The following COL24A1 variants were observed in gnomAD, a reference collection of about 807,000 sequenced individuals.
The protein encoded by COL24A1 is collagen alpha-1(XXIV) chain.
Under a neutral mutation model 253.9 loss-of-function variants are expected in COL24A1, and 224 were observed. The ratio of observed to expected loss-of-function variants is 0.88; its 90% CI spans 0.79 to 0.99. The LOEUF (loss-of-function observed/expected upper bound fraction) is 0.99. Among genes scored for constraint, COL24A1 ranks in the 50% least tolerant of loss-of-function variants. The pLI, the probability that COL24A1 is intolerant of heterozygous loss-of-function variation, is 0.00. For missense variants in COL24A1, 2,131 were observed against 2,068.5 expected (o/e 1.03, Z -0.59); for synonymous variants, 685 against 673.7 (o/e 1.02, Z -0.26).
At chr1:85,784,434 A>T (rs1254934809) in intron 48 of COL24A1, 68 bp from the exon 49 acceptor site, 2 of 1,156,798 alleles carry the variant, frequency 1.7e-6, no homozygotes, top group African/African-American at 3.0e-5. Flanking sequence ...TTTGAATGAA[A>T]CCCAAATACA....
intron 24 of COL24A1, among the ~76,000 whole-genome samples, 198 bp from the exon 25 acceptor site, chr1:85,911,631 T>C (rs1344214140): frequency 6.6e-6 from 1 of 152,058 alleles, no homozygotes; most frequent in Non-Finnish European, 1.5e-5. Context: ...TCAACAAAAA[T>C]ATATCAGTGC....
At chr1:86,094,725 A>G (rs1703777349) in intron 5 of COL24A1, among the ~76,000 whole-genome samples, 1 of 151,980 alleles carries the variant, frequency 6.6e-6, no homozygotes, top group South Asian at 2.1e-4. Flanking sequence ...ATTTTAGGTC[A>G]TTGGTTACAA....
At chr1:85,818,603 A>G (rs934027080) in intron 45 of COL24A1, among the ~76,000 whole-genome samples, 3 of 152,198 alleles carry the variant, frequency 2.0e-5, no homozygotes, top group Non-Finnish European at 4.4e-5. Context: ...CAAGGAAAAG[A>G]TATTTATTTC....
At chr1:85,772,590 T>A (rs190573444) in intron 53 of COL24A1, among the ~76,000 whole-genome samples, 1,621 of 152,208 alleles carry the variant, frequency 0.011, 34 homozygotes, top group African/African-American at 0.037. Context: ...TGTCTCATTG[T>A]GGTTTTGATT....
intron 25 of COL24A1, 97 bp downstream of exon 25, chr1:85,911,283 G>A: frequency 1.4e-5 from 13 of 930,476 alleles, no homozygotes; most frequent in Admixed American, 2.1e-5. Context: ...AAAGTTATAA[G>A]TGATTTCTAA....
chr1:85,951,231 G>A (rs1056083638), intron 24 of COL24A1, among the ~76,000 whole-genome samples: 1 of 152,156 alleles, frequency 6.6e-6, no homozygotes, highest in East Asian at 1.9e-4. Flanking sequence ...AGAGCTTTCT[G>A]TATGGATAGT....
At chr1:86,087,313 T>C (rs1028128944) in intron 7 of COL24A1, among the ~76,000 whole-genome samples, 31 of 152,188 alleles carry the variant, frequency 2.0e-4, no homozygotes, top group Admixed American at 5.9e-4. Flanking sequence ...AAAGAATATA[T>C]TCTTACTATT....
At chr1:85,925,895 A>C (rs1447957710) in intron 24 of COL24A1, among the ~76,000 whole-genome samples, 3 of 152,204 alleles carry the variant, frequency 2.0e-5, no homozygotes, top group Non-Finnish European at 2.9e-5. Context: ...CAACCTACAG[A>C]ATGGGAGAAA....
intron 1 of COL24A1, 126 bp downstream of exon 1, chr1:86,156,215 G>A: frequency 1.3e-6 from 1 of 759,004 alleles, no homozygotes; most frequent in Non-Finnish European, 2.1e-6. Context: ...GCGGGTACTC[G>A]GCCGCTCCTA....
Position 86,125,944 on chromosome 1 carries a change from A to G in COL24A1, c.392T>C (p.Leu131Pro). The change falls in exon 3 of 60, where the codon CTG becomes CCG. Residue 131 changes from leucine to proline, a missense_variant. Physicochemically the swap from Leu to Pro is moderately conservative, Grantham distance 98. Coordinates refer to ENST00000370571, the MANE Select transcript of COL24A1 (RefSeq NM_152890.7). ...FLFSIRNKNR[L>P]QLGVQLLPKK... ...AGGTAGTAATTGTACTCCTAATTGC[A>G]GTCTATTTTTATTTCTAATGCTGAA... is the stretch of plus-strand genomic sequence containing the variant. 6.2e-7 allele frequency: 1 copy of G among 1,613,418 alleles called. No homozygotes were observed.
chr1:85,826,242 C>T (rs373169314), intron 43 of COL24A1, among the ~76,000 whole-genome samples: 9,706 of 141,042 alleles, frequency 0.069, 669 homozygotes, highest in African/African-American at 0.2. Flanking sequence ...TGTAGATATG[C>T]GGCATTATTT....
At chr1:85,838,691 G>A in intron 42 of COL24A1, 53 bp from the exon 43 acceptor site, 1 of 1,498,058 alleles carries the variant, frequency 6.7e-7, no homozygotes, top group Non-Finnish European at 9.3e-7. Context: ...CAAAGTATAT[G>A]CGAATGCAGG....
At chr1:85,770,052 C>G (rs1667786868) in intron 53 of COL24A1, among the ~76,000 whole-genome samples, 2 of 152,100 alleles carry the variant, frequency 1.3e-5, no homozygotes, top group South Asian at 4.1e-4. Flanking sequence ...GGGCTAATTC[C>G]AAGTCTCTCT....
intron 24 of COL24A1, among the ~76,000 whole-genome samples, chr1:85,915,900 C>T (rs1685849695): frequency 1.3e-5 from 2 of 152,106 alleles, no homozygotes; most frequent in South Asian, 4.1e-4. Context: ...GTGATCCACC[C>T]GCCTTGGCCT....
intron 38 of COL24A1, among the ~76,000 whole-genome samples, chr1:85,848,695 C>G (rs1452086531): frequency 6.6e-6 from 1 of 152,102 alleles, no homozygotes; most frequent in East Asian, 1.9e-4. Context: ...TGAGAACCAA[C>G]CTGTTCTATT....
In COL24A1 at chr1:85,911,479, C is replaced by T. The variant is rs756190058; in HGVS notation, c.2563-46G>A. The T allele has an allele frequency of 3.6e-6, 5 of 1,393,672 alleles. No homozygotes were observed. The South Asian group carries it at 4.7e-5, about 13-fold the overall frequency. The allele number at this position is 1,393,672 out of a possible 1,614,324, so 86.3% of individuals were successfully genotyped here. Reference sequence around the variant, plus strand: ...CAGAAAATACACACATATTGTATTGCTATTGTAGTGCCTGGGTCTTAAATC... The same window carrying T: ...CAGAAAATACACACATATTGTATTGTTATTGTAGTGCCTGGGTCTTAAATC... On this transcript the variant is annotated intron_variant, in intron 24 of 59. Coordinates refer to ENST00000370571, the MANE Select transcript of COL24A1 (RefSeq NM_152890.7).
At chr1:85,884,245 A>AT (rs35072089) in intron 32 of COL24A1, among the ~76,000 whole-genome samples, 1 of 151,560 alleles carries the variant, frequency 6.6e-6, no homozygotes, top group South Asian at 2.1e-4. Context: ...TTGCCTTATA[A>AT]TTTTTTTTGA....
chr1:86,098,794 C>G (rs1278879587), intron 5 of COL24A1, among the ~76,000 whole-genome samples: 1 of 152,076 alleles, frequency 6.6e-6, no homozygotes, highest in Non-Finnish European at 1.5e-5. Flanking sequence ...TAACTATCTA[C>G]AGAATAAAAA....
At chr1:85,948,216 A>C (rs1472236394) in intron 24 of COL24A1, among the ~76,000 whole-genome samples, 1 of 152,148 alleles carries the variant, frequency 6.6e-6, no homozygotes, top group Non-Finnish European at 1.5e-5. Context: ...TTTACCATGA[A>C]CTTTTTGGTA....
Sources: gnomAD v4.1 joint callset for allele counts (sites outside exome capture counted in the v4.1 genomes callset) on GRCh38, gnomAD v4.1.1 for gene constraint, MANE v1.5 for transcripts, NCBI Gene and HGNC (gene_info 2026-07-23, HGNC 2026-07-21) for gene names.